ANKRD6: variants seen among roughly 807,000 people sequenced by gnomAD.
The protein encoded by ANKRD6 is ankyrin repeat domain-containing protein 6.
In ANKRD6, 56 loss-of-function variants were observed where a neutral mutation model predicts 82.3. The observed-to-expected ratio is 0.68, with a 90% CI of 0.55 to 0.85. ANKRD6 has a LOEUF of 0.85. Among genes scored for constraint, ANKRD6 ranks in the 40% least tolerant of loss-of-function variants. The probability of loss-of-function intolerance (pLI) is 0.00; values close to 1 mark genes in which losing one functional copy is unlikely to be tolerated. For missense variants in ANKRD6, 852 were observed against 907.6 expected, an observed-to-expected ratio of 0.94 and a Z score of 0.79; for synonymous variants, 347 against 352.1, an observed-to-expected ratio of 0.99 and a Z score of 0.16.
intron 1 of ANKRD6, among the ~76,000 whole-genome samples, chr6:89,542,205 G>A (rs1266920582): frequency 1.3e-5 from 2 of 152,116 alleles, no homozygotes; most frequent in Non-Finnish European, 2.9e-5. Flanking sequence ...CGTGTACCTT[G>A]GTAGTTAGAT....
intron 1 of ANKRD6, among the ~76,000 whole-genome samples, chr6:89,533,110 C>T (rs537729904): frequency 2.6e-5 from 4 of 151,996 alleles, no homozygotes; most frequent in African/African-American, 4.8e-5. Flanking sequence ...CTCCTGACCT[C>T]GTGATCCACC....
intron 1 of ANKRD6, among the ~76,000 whole-genome samples, chr6:89,471,094 T>A (rs900787245): frequency 3.3e-5 from 5 of 152,092 alleles, no homozygotes; most frequent in African/African-American, 9.7e-5. Context: ...GACTGAAGTC[T>A]TCTGGGGACC....
chr6:89,581,952 A>G (rs1020268215), intron 2 of ANKRD6, among the ~76,000 whole-genome samples: 7 of 152,206 alleles, frequency 4.6e-5, no homozygotes, highest in Non-Finnish European at 8.8e-5. Context: ...TTACATGGCA[A>G]GTCAAACAAA....
chr6:89,481,820 A>T (rs1776849432), intron 1 of ANKRD6, among the ~76,000 whole-genome samples: 1 of 152,106 alleles, frequency 6.6e-6, no homozygotes, highest in South Asian at 2.1e-4. Context: ...TAGCACTGGT[A>T]CTGGTGGTAC....
intron 1 of ANKRD6, among the ~76,000 whole-genome samples, chr6:89,521,949 C>T (rs963494428): frequency 3.9e-5 from 6 of 152,072 alleles, no homozygotes; most frequent in Middle Eastern, 3.2e-3. Flanking sequence ...ATTGTATATA[C>T]ATTATTTTAT....
chr6:89,611,306 G>A (rs984583500), intron 5 of ANKRD6, among the ~76,000 whole-genome samples: 4 of 152,224 alleles, frequency 2.6e-5, no homozygotes, highest in Admixed American at 2.0e-4. Context: ...GCAGTGTAAT[G>A]CTCTGAGCCC....
At chr6:89,489,908 G>A (rs1455204111) in intron 1 of ANKRD6, among the ~76,000 whole-genome samples, 1 of 152,164 alleles carries the variant, frequency 6.6e-6, no homozygotes, top group Non-Finnish European at 1.5e-5. Context: ...AGTGATGAAG[G>A]AACCAACACT....
At chr6:89,450,788 C>G (rs925129303) in intron 1 of ANKRD6, among the ~76,000 whole-genome samples, 2 of 152,042 alleles carry the variant, frequency 1.3e-5, no homozygotes, top group Non-Finnish European at 2.9e-5. Context: ...AGGCGTGAGC[C>G]ACTGCACCTG....
chr6:89,468,628 C>T (rs72912551), intron 1 of ANKRD6, among the ~76,000 whole-genome samples: 12,937 of 140,408 alleles, frequency 0.092, 843 homozygotes, highest in South Asian at 0.2. Context: ...AAAAAAAGTC[C>T]GTGCATAATT....
chr6:89,524,696 G>T (rs1221920614), intron 1 of ANKRD6, among the ~76,000 whole-genome samples: 1 of 152,142 alleles, frequency 6.6e-6, no homozygotes, highest in African/African-American at 2.4e-5. Context: ...ACATGCATAT[G>T]CAAGTGTCTT....
chr6:89,612,698 G>C (rs1289863387), intron 6 of ANKRD6, among the ~76,000 whole-genome samples: 2 of 152,210 alleles, frequency 1.3e-5, no homozygotes, highest in African/African-American at 2.4e-5. Flanking sequence ...TACCCACATA[G>C]AGTGTTGAGT....
chr6:89,500,389 C>T (rs1436321001), intron 1 of ANKRD6, among the ~76,000 whole-genome samples: 1 of 152,158 alleles, frequency 6.6e-6, no homozygotes. Context: ...AAAAATATCA[C>T]AGTACAGGCA....
intron 1 of ANKRD6, among the ~76,000 whole-genome samples, chr6:89,439,122 C>A (rs1324951688): frequency 2.0e-5 from 3 of 152,080 alleles, no homozygotes; most frequent in Non-Finnish European, 2.9e-5. Context: ...TGCTATTAAG[C>A]CATCTAGGCT....
Position 89,623,441 on chromosome 6 carries a change from GTGAA to G in ANKRD6, c.930_933del (p.Glu311ArgfsTer93). On this transcript the variant is annotated frameshift_variant, in exon 11 of 16. Coordinates refer to ENST00000339746, the MANE Select transcript of ANKRD6 (RefSeq NM_001242809.2). LOFTEE classifies it high-confidence loss of function. ...GTCTCAGCAGGAGACACCCCCAGCA[GTGAA>G]CAGGCTGTGGCCAGAAAAGAAGAAG... 6.2e-7 allele frequency: 1 copy of G among 1,611,816 alleles called. No individual in the cohort carries two copies. Among genetic ancestry groups the G allele is most frequent in the Middle Eastern group, 1.7e-4 (1 of 6,060 alleles).
chr6:89,617,156 G>A (rs112500156), intron 8 of ANKRD6, among the ~76,000 whole-genome samples: 2,258 of 152,264 alleles, frequency 0.015, 64 homozygotes, highest in African/African-American at 0.051. Context: ...TTTCTTCTTC[G>A]AGGCTGTCCT....
intron 2 of ANKRD6, among the ~76,000 whole-genome samples, chr6:89,588,251 A>C (rs1430513872): frequency 6.6e-6 from 1 of 152,238 alleles, no homozygotes; most frequent in Admixed American, 6.5e-5. Context: ...CTTCAGCCAA[A>C]TGAAACTCTC....
intron 1 of ANKRD6, among the ~76,000 whole-genome samples, chr6:89,462,369 G>C (rs1057002703): frequency 2.0e-5 from 3 of 151,930 alleles, no homozygotes; most frequent in African/African-American, 7.3e-5. Context: ...ATTTGTAGCA[G>C]AGATGGGTGA....
intron 1 of ANKRD6, among the ~76,000 whole-genome samples, chr6:89,556,602 C>T (rs1486653505): frequency 2.0e-5 from 3 of 152,168 alleles, no homozygotes; most frequent in Non-Finnish European, 4.4e-5. Flanking sequence ...TTTCAAGAAA[C>T]ATTAGCAACA....
At chr6:89,548,424 G>A (rs573582071) in intron 1 of ANKRD6, among the ~76,000 whole-genome samples, 2 of 152,252 alleles carry the variant, frequency 1.3e-5, no homozygotes, top group South Asian at 2.1e-4. Flanking sequence ...TTGTTTATCA[G>A]TTCACCATTG....
Sources: allele counts gnomAD v4.1 joint callset (sites outside exome capture counted in the v4.1 genomes callset), GRCh38; gene constraint gnomAD v4.1.1; transcripts MANE v1.5; gene names NCBI Gene and HGNC (gene_info 2026-07-23, HGNC 2026-07-21).